ADRA1A: variants seen among roughly 807,000 people sequenced by gnomAD.
ADRA1A encodes the protein alpha-1A adrenergic receptor.
ADRA1A carries 31 observed loss-of-function variants against 29.6 expected under a neutral mutation model. The ratio of observed to expected loss-of-function variants is 1.05; its 90% CI spans 0.79 to 1.41. ADRA1A has a LOEUF of 1.41. Among genes scored for constraint, ADRA1A ranks in the 40% most tolerant of loss-of-function variants. ADRA1A has a pLI of 0.00. For synonymous variants in ADRA1A, 311 were observed against 254.3 expected (o/e 1.22, Z -2.12); for missense variants, 619 against 601.1 (o/e 1.03, Z -0.31).
In ADRA1A at chr8:26,847,000, A is replaced by T. The variant is rs542808390; in HGVS notation, c.883+17087T>A. The stretch of plus-strand genomic sequence containing the variant: ...AACCAAACACTGCATATTCTCACTC[A>T]TAGCTGGGAATTGAACACTGAGAAC... On this transcript the variant is annotated intron_variant, in intron 2 of 2. Transcript: ENST00000380573. Among the ~76,000 whole-genome samples, 11 of 152,222 alleles carry T rather than the reference A, an allele frequency of 7.2e-5. No homozygotes were observed. In the East Asian group the frequency reaches 2.1e-3, roughly 29 times the overall value.
At chr8:26,756,500 C>G (rs779237774) in exon 3 of ADRA1A, 1 of 1,518,046 alleles carries the variant, frequency 6.6e-7, no homozygotes, top group African/African-American at 1.4e-5. Flanking sequence ...CTATTTGTCC[C>G]TGAAGGCTCT....
intron 2 of ADRA1A, among the ~76,000 whole-genome samples, chr8:26,750,046 T>G (rs888191064): frequency 6.6e-6 from 1 of 152,142 alleles, no homozygotes; most frequent in East Asian, 1.9e-4. Flanking sequence ...CATCAGAAAT[T>G]TATTTCTCTC....
Position 26,864,635 on chromosome 8 carries a change from G to A in ADRA1A, c.335C>T (p.Ala112Val). Reference sequence around the variant, plus strand: ...GATGATGCAGAGGCCCATGATGGACGCGGTGCAGCACAGCACATCCACTGC... The same window carrying A: ...GATGATGCAGAGGCCCATGATGGACACGGTGCAGCACAGCACATCCACTGC... The part of the protein sequence containing the change: ...WAAVDVLCCT[A>V]SIMGLCIISI... The change falls in exon 2 of 3, where the codon GCG (alanine) becomes GTG (valine). Residue 112 changes from alanine to valine, a missense_variant. Coordinates refer to ENST00000380573, the MANE Select transcript of ADRA1A (RefSeq NM_000680.4). This position sits in a 1 kb window ranked among gnomAD's most constrained non-coding sequence, Gnocchi z 8.1. 6.2e-7 allele frequency: 1 copy of A among 1,614,174 alleles called. No homozygotes were observed. The highest frequency in any genetic ancestry group is 8.5e-7 in the Non-Finnish European group (1 of 1,180,050).
At chr8:26,797,514 G>A (rs1808265986) in intron 2 of ADRA1A, among the ~76,000 whole-genome samples, 1 of 151,866 alleles carries the variant, frequency 6.6e-6, no homozygotes, top group African/African-American at 2.4e-5. Flanking sequence ...GCCTAGGCTG[G>A]GCACAAACTC....
intron 2 of ADRA1A, among the ~76,000 whole-genome samples, chr8:26,846,704 A>G (rs1321394167): frequency 6.6e-6 from 1 of 152,210 alleles, no homozygotes; most frequent in Non-Finnish European, 1.5e-5. Context: ...CCCAGGAGGC[A>G]GAGGTTGCAG....
intron 2 of ADRA1A, among the ~76,000 whole-genome samples, chr8:26,781,148 A>T (rs893251630): frequency 6.6e-6 from 1 of 152,146 alleles, no homozygotes; most frequent in Non-Finnish European, 1.5e-5. Flanking sequence ...TATAGCCCTT[A>T]TCACCATTTT....
In ADRA1A at chr8:26,825,735, C is replaced by G. The variant is rs1166315783; in HGVS notation, c.883+38352G>C. On this transcript the variant is annotated intron_variant, in intron 2 of 2. Coordinates refer to ENST00000380573, the MANE Select transcript of ADRA1A (RefSeq NM_000680.4). This position sits in a 1 kb window ranked among gnomAD's most constrained non-coding sequence, Gnocchi z 5.7. ...CACATGCACGCTAATTTATACTCTCCCTCCTGATTTAACAATCCTTAAGGA... is the reference window on the plus strand; with the variant it reads ...CACATGCACGCTAATTTATACTCTCGCTCCTGATTTAACAATCCTTAAGGA... Among the ~76,000 whole-genome samples the G allele has an allele frequency of 6.6e-6, 1 of 152,220 alleles. No homozygotes were observed. Among genetic ancestry groups the G allele is most frequent in the Middle Eastern group, 3.2e-3 (1 of 316 alleles).
chr8:26,810,751 A>C (rs1809325025), intron 2 of ADRA1A, among the ~76,000 whole-genome samples: 7 of 152,194 alleles, frequency 4.6e-5, no homozygotes, highest in Admixed American at 4.6e-4. Context: ...ATCATATATG[A>C]CCAACACATC....
intron 2 of ADRA1A, among the ~76,000 whole-genome samples, chr8:26,833,840 G>C (rs1415599309): frequency 6.6e-6 from 1 of 152,188 alleles, no homozygotes; most frequent in African/African-American, 2.4e-5. Context: ...GACATGAAAA[G>C]AAAGCCTTTT....
At chr8:26,764,404 C>T (rs1805663757), downstream of ADRA1A, among the ~76,000 whole-genome samples, 2 of 152,138 alleles carry the variant, frequency 1.3e-5, no homozygotes, top group East Asian at 1.9e-4. Flanking sequence ...AATTTGCCCT[C>T]GGCCCCTAGA....
chr8:26,858,607 G>T (rs1157746637), intron 2 of ADRA1A, among the ~76,000 whole-genome samples: 1 of 152,214 alleles, frequency 6.6e-6, no homozygotes, highest in African/African-American at 2.4e-5. Context: ...TAGACAATGA[G>T]ATGAAATCAA....
intron 2 of ADRA1A, among the ~76,000 whole-genome samples, chr8:26,786,220 T>C (rs931871762): frequency 7.1e-5 from 10 of 141,554 alleles, no homozygotes; most frequent in Middle Eastern, 3.4e-3. Context: ...CCCTGACCTC[T>C]TTTTTATTTT....
At chr8:26,785,979 C>G (rs544530603) in intron 2 of ADRA1A, among the ~76,000 whole-genome samples, 2 of 152,222 alleles carry the variant, frequency 1.3e-5, no homozygotes, top group South Asian at 4.1e-4. Context: ...CCTGTAAGTG[C>G]CTTCTTGTTG....
At chr8:26,764,673 C>A (rs1805677017), downstream of ADRA1A, among the ~76,000 whole-genome samples, 2 of 152,172 alleles carry the variant, frequency 1.3e-5, no homozygotes, top group African/African-American at 4.8e-5. Context: ...CTTCCTTCTC[C>A]TTCTACTGCA....
At chr8:26,855,050 A>T (rs937341050) in intron 2 of ADRA1A, among the ~76,000 whole-genome samples, 5 of 152,212 alleles carry the variant, frequency 3.3e-5, no homozygotes, top group Admixed American at 3.3e-4. Flanking sequence ...GAGGATTGTG[A>T]GAAATAAATT....
chr8:26,767,514 T>C (rs1014280990), downstream of ADRA1A, among the ~76,000 whole-genome samples: 4 of 152,164 alleles, frequency 2.6e-5, no homozygotes, highest in Non-Finnish European at 4.4e-5. Flanking sequence ...AAAGTTTACC[T>C]CCCTGGAGAG....
rs567550177 is a variant in ADRA1A at position 26,848,545 on chromosome 8, C to T, written c.883+15542G>A. 1.2e-4 allele frequency among the ~76,000 whole-genome samples: 19 copies of T among 152,302 alleles called. No individual in the cohort carries two copies. The highest frequency in any genetic ancestry group is 4.3e-4 in the African/African-American group (18 of 41,580). The stretch of plus-strand genomic sequence containing the variant: ...CACCAAGAGCCTGACAATGCTAGAA[C>T]CCTGATCTCAGACTTCCAGCCTCCA... On this transcript the variant is annotated intron_variant, in intron 2 of 2. Coordinates refer to ENST00000380573, the MANE Select transcript of ADRA1A (RefSeq NM_000680.4). This position sits in a 1 kb window ranked among gnomAD's most constrained non-coding sequence, Gnocchi z 4.3.
intron 2 of ADRA1A, among the ~76,000 whole-genome samples, chr8:26,789,653 TAGACAAAC>T (rs1343788351): frequency 6.6e-6 from 1 of 151,870 alleles, no homozygotes; most frequent in Non-Finnish European, 1.5e-5. Flanking sequence ...AAAGCAAAAA[TAGACAAAC>T]GGGATTATAT....
intron 2 of ADRA1A, among the ~76,000 whole-genome samples, chr8:26,857,696 C>T (rs1241221928): frequency 6.6e-6 from 1 of 152,064 alleles, no homozygotes; most frequent in East Asian, 1.9e-4. Context: ...ATCCTAATGG[C>T]ACTAGTTTTT....
Sources: allele counts gnomAD v4.1 joint callset (sites outside exome capture counted in the v4.1 genomes callset), GRCh38; gene constraint gnomAD v4.1.1; non-coding constraint Gnocchi (gnomAD v3.1); transcripts MANE v1.5; gene names NCBI Gene and HGNC (gene_info 2026-07-23, HGNC 2026-07-21).